The following SPMAP1 variants were observed in gnomAD, a reference collection of about 807,000 sequenced individuals.
SPMAP1 encodes sperm microtubule associated protein 1.
At chr17:38,837,685 AAAAAAAAG>A in the SPMAP1 span, among the ~76,000 whole-genome samples, 2 of 151,732 alleles carry the variant, frequency 1.3e-5, no homozygotes, top group East Asian at 1.9e-4. Context: ...TCTAAAAAAA[AAAAAAAAG>A]AAAAAAAGAA....
At chr17:38,839,089 A>G in the SPMAP1 span, among the ~76,000 whole-genome samples, 3 of 149,852 alleles carry the variant, frequency 2.0e-5, no homozygotes, top group South Asian at 6.3e-4. Flanking sequence ...CTGTCTCAAA[A>G]AAAAAAAAAA....
At chr17:38,835,285 A>G in the SPMAP1 span, 2 of 1,614,114 alleles carry the variant, frequency 1.2e-6, no homozygotes, top group South Asian at 2.2e-5. Flanking sequence ...CATTGAACCC[A>G]TCGATCGGTT....
the SPMAP1 span, chr17:38,835,203 A>G: frequency 6.2e-7 from 1 of 1,614,206 alleles, no homozygotes; most frequent in Non-Finnish European, 8.5e-7. Context: ...AACAGAGGGA[A>G]GTGGGTGACC....
chr17:38,836,842 C>G, the SPMAP1 span, among the ~76,000 whole-genome samples: 6 of 151,656 alleles, frequency 4.0e-5, no homozygotes, highest in Admixed American at 3.9e-4. Context: ...GTGATCCACC[C>G]GCCTCAGCTC....
At chr17:38,841,299 G>T in the SPMAP1 span, 6 of 1,614,188 alleles carry the variant, frequency 3.7e-6, no homozygotes, top group East Asian at 1.3e-4. Context: ...GGCCTAGAGC[G>T]CCCATAAGCG....
chr17:38,839,998 T>C, the SPMAP1 span, among the ~76,000 whole-genome samples: 12 of 151,990 alleles, frequency 7.9e-5, no homozygotes, highest in Admixed American at 5.3e-4. Flanking sequence ...GAAACACAAA[T>C]ACTGGAAGCA....
the SPMAP1 span, chr17:38,835,257 T>C: frequency 1.2e-6 from 2 of 1,614,204 alleles, no homozygotes; most frequent in South Asian, 2.2e-5. Context: ...GGAGTGTTCC[T>C]GCGGTAGCCA....
the SPMAP1 span, among the ~76,000 whole-genome samples, chr17:38,836,963 T>G: frequency 4.0e-5 from 6 of 149,010 alleles, no homozygotes; most frequent in African/African-American, 7.4e-5. Flanking sequence ...AAAAAAAAAA[T>G]GAGGTCTGAC....
chr17:38,838,400 G>A, the SPMAP1 span, among the ~76,000 whole-genome samples: 1 of 152,006 alleles, frequency 6.6e-6, no homozygotes, highest in Non-Finnish European at 1.5e-5. Flanking sequence ...AAGAGTTGGA[G>A]ACTAGCCTGG....
chr17:38,835,187 T>C, the SPMAP1 span: 3 of 1,614,118 alleles, frequency 1.9e-6, no homozygotes, highest in Admixed American at 1.7e-5. Flanking sequence ...GAAAAGATGC[T>C]GTTAGAACAG....
chr17:38,835,188 G>A, the SPMAP1 span: 2 of 1,614,156 alleles, frequency 1.2e-6, no homozygotes, highest in Middle Eastern at 3.3e-4. Context: ...AAAAGATGCT[G>A]TTAGAACAGA....
the SPMAP1 span, among the ~76,000 whole-genome samples, chr17:38,836,585 C>CTTTTTTTT: frequency 1.7e-4 from 10 of 58,424 alleles, no homozygotes; most frequent in Non-Finnish European, 2.9e-4. Context: ...TTCTTTCTTT[C>CTTTTTTTT]TTTTTTTTTT....
chr17:38,839,486 AAG>A, the SPMAP1 span, among the ~76,000 whole-genome samples: 30 of 150,640 alleles, frequency 2.0e-4, no homozygotes, highest in African/African-American at 7.3e-4. Context: ...AAAAAAAGAA[AAG>A]AAAAGAAAAG....
chr17:38,840,572 GGA>G, the SPMAP1 span, among the ~76,000 whole-genome samples: 1 of 124,310 alleles, frequency 8.0e-6, no homozygotes, highest in South Asian at 2.7e-4. Context: ...CGTGAGCCCA[GGA>G]GTTCAAGACC....
the SPMAP1 span, chr17:38,837,211 C>T: frequency 6.2e-7 from 1 of 1,613,890 alleles, no homozygotes; most frequent in Non-Finnish European, 8.5e-7. Flanking sequence ...AGTCTACTAT[C>T]CAGCCATCCC....
chr17:38,841,259 T>C, the SPMAP1 span: 13 of 1,614,110 alleles, frequency 8.1e-6, no homozygotes, highest in East Asian at 2.9e-4. Flanking sequence ...CTGCTGCGCG[T>C]TGTAGGGCGG....
the SPMAP1 span, among the ~76,000 whole-genome samples, chr17:38,839,661 G>C: frequency 6.6e-6 from 1 of 151,752 alleles, no homozygotes; most frequent in Non-Finnish European, 1.5e-5. Context: ...ACGGGCGGGC[G>C]TGGTGGCGGG....
the SPMAP1 span, among the ~76,000 whole-genome samples, chr17:38,838,094 G>C: frequency 6.6e-6 from 1 of 151,932 alleles, no homozygotes; most frequent in African/African-American, 2.4e-5. Context: ...TATTGGCCAG[G>C]CTGGTCTCAA....
At chr17:38,835,277 T>C in the SPMAP1 span, 7 of 1,614,044 alleles carry the variant, frequency 4.3e-6, no homozygotes, top group African/African-American at 1.3e-5. Context: ...AAACCTTCCA[T>C]TGAACCCATC....
Sources: allele counts gnomAD v4.1 joint callset (sites outside exome capture counted in the v4.1 genomes callset), GRCh38; gene constraint gnomAD v4.1.1; transcripts MANE v1.5; gene names NCBI Gene and HGNC (gene_info 2026-07-23, HGNC 2026-07-21).